The following FSTL4 variants were observed in gnomAD, a reference collection of about 807,000 sequenced individuals.
The protein encoded by FSTL4 is follistatin-related protein 4.
In FSTL4, 28 loss-of-function variants were observed where a neutral mutation model predicts 78.2. That is an observed-to-expected ratio of 0.36 (90% CI 0.27 to 0.49). The LOEUF is 0.49. Among genes scored for constraint, FSTL4 ranks in the 20% least tolerant of loss-of-function variants. FSTL4 has a pLI of 0.98. For synonymous variants in FSTL4, 422 were observed against 440.5 expected, an observed-to-expected ratio of 0.96 and a Z score of 0.53; for missense variants, 922 against 1,084.9, an observed-to-expected ratio of 0.85 and a Z score of 2.11.
At chr5:133,364,413 C>G (rs1172326212) in intron 4 of FSTL4, among the ~76,000 whole-genome samples, 1 of 152,212 alleles carries the variant, frequency 6.6e-6, no homozygotes, top group African/African-American at 2.4e-5. Context: ...GGCAGCAGGC[C>G]ACCGCAAAGG....
the FSTL4 span, among the ~76,000 whole-genome samples, chr5:133,737,416 C>T: frequency 7.2e-5 from 11 of 152,292 alleles, no homozygotes; most frequent in East Asian, 5.8e-4. Context: ...ATTCCATCCA[C>T]GTTGTTGCAA....
At chr5:133,687,131 G>A in the FSTL4 span, among the ~76,000 whole-genome samples, 3,602 of 152,270 alleles carry the variant, frequency 0.024, 59 homozygotes, top group Middle Eastern at 0.11. Context: ...GGGGGAACTG[G>A]GACTGAGGAC....
the FSTL4 span, among the ~76,000 whole-genome samples, chr5:133,708,163 A>AGAGGGAGG: frequency 1.3e-5 from 1 of 75,416 alleles, no homozygotes; most frequent in African/African-American, 5.3e-5. Flanking sequence ...AGGAAGGGAG[A>AGAGGGAGG]GAGGGAGGGA....
At chr5:133,376,646 T>G (rs1002590646) in intron 4 of FSTL4, among the ~76,000 whole-genome samples, 1 of 152,160 alleles carries the variant, frequency 6.6e-6, no homozygotes, top group African/African-American at 2.4e-5. Flanking sequence ...AATCTACTTT[T>G]GGGAGGCCAA....
intron 3 of FSTL4, among the ~76,000 whole-genome samples, chr5:133,450,024 A>C (rs1419155095): frequency 6.6e-6 from 1 of 152,178 alleles, no homozygotes; most frequent in Non-Finnish European, 1.5e-5. Flanking sequence ...AGAAATGTGA[A>C]AGGGCTTTTG....
intron 4 of FSTL4, among the ~76,000 whole-genome samples, chr5:133,353,434 G>A (rs1032493033): frequency 1.3e-5 from 2 of 152,176 alleles, no homozygotes; most frequent in Non-Finnish European, 2.9e-5. Flanking sequence ...CTGAAGGGGC[G>A]TGCGAGGGGT....
At chr5:133,392,936 T>A (rs1034360918) in intron 4 of FSTL4, among the ~76,000 whole-genome samples, 1 of 152,246 alleles carries the variant, frequency 6.6e-6, no homozygotes. Flanking sequence ...ACAGCAGTTC[T>A]GTGGAGCACA....
chr5:133,555,661 T>TA (rs1561467718), intron 3 of FSTL4, among the ~76,000 whole-genome samples: 3 of 152,120 alleles, frequency 2.0e-5, no homozygotes, highest in South Asian at 4.1e-4. Context: ...CTACTGTTTT[T>TA]AAAAAATAAA....
At chr5:133,468,632 C>G (rs1357380538) in intron 3 of FSTL4, among the ~76,000 whole-genome samples, 1 of 152,170 alleles carries the variant, frequency 6.6e-6, no homozygotes, top group Non-Finnish European at 1.5e-5. Context: ...CCATTCAGGC[C>G]GCAGGTCAGC....
chr5:133,642,353 G>A, the FSTL4 span, among the ~76,000 whole-genome samples: 2 of 152,202 alleles, frequency 1.3e-5, no homozygotes, highest in Non-Finnish European at 2.9e-5. Flanking sequence ...TTTCTCATCA[G>A]TGCAGTTCTG....
chr5:133,292,982 T>C (rs79095702), intron 6 of FSTL4, among the ~76,000 whole-genome samples: 1 of 152,162 alleles, frequency 6.6e-6, no homozygotes, highest in Non-Finnish European at 1.5e-5. Flanking sequence ...TGGGTGATAT[T>C]TCTCCTTCGT....
At chr5:133,670,548 C>T in the FSTL4 span, among the ~76,000 whole-genome samples, 1 of 152,228 alleles carries the variant, frequency 6.6e-6, no homozygotes, top group South Asian at 2.1e-4. Flanking sequence ...GCAACATTTC[C>T]ACCCTGTGGG....
At chr5:133,499,242 T>C (rs1288874312) in intron 3 of FSTL4, among the ~76,000 whole-genome samples, 2 of 152,072 alleles carry the variant, frequency 1.3e-5, no homozygotes, top group African/African-American at 4.8e-5. Context: ...GGATGGCTGG[T>C]TTAGCTCAAA....
chr5:133,217,554 C>T (rs532452031), intron 12 of FSTL4, among the ~76,000 whole-genome samples, 176 bp from the exon 13 acceptor site: 64 of 152,204 alleles, frequency 4.2e-4, no homozygotes, highest in Admixed American at 7.2e-4. Context: ...ACTTAACATT[C>T]CTTTAATCTT....
At chr5:133,566,435 G>A (rs1760027902) in intron 3 of FSTL4, among the ~76,000 whole-genome samples, 1 of 152,026 alleles carries the variant, frequency 6.6e-6, no homozygotes, top group Non-Finnish European at 1.5e-5. Flanking sequence ...GTGGTGAAGG[G>A]TAAAACCAAA....
intron 4 of FSTL4, among the ~76,000 whole-genome samples, chr5:133,352,986 A>T (rs1030810304): frequency 3.9e-5 from 6 of 152,216 alleles, no homozygotes; most frequent in Non-Finnish European, 7.3e-5. Flanking sequence ...TCCAATAATT[A>T]TTTAAGGTTT....
the FSTL4 span, among the ~76,000 whole-genome samples, chr5:133,835,470 G>T: frequency 2.6e-5 from 4 of 152,166 alleles, no homozygotes; most frequent in South Asian, 8.3e-4. Context: ...CCTGAAATTT[G>T]TTCAGGTAGT....
Position 133,426,552 on chromosome 5 carries a change from G to T in FSTL4, c.161-25566C>A, listed in dbSNP as rs1756821873. On this transcript the variant is annotated intron_variant, in intron 3 of 15. Coordinates refer to ENST00000265342, the MANE Select transcript of FSTL4 (RefSeq NM_015082.2). The surrounding 1 kb of genome is among the most constrained non-coding windows in gnomAD (Gnocchi z 5.0). Reference sequence around the variant, plus strand: ...CTCTCATGGCCAATTAGCAGCAGAGGAAACTGAACTGTACCGTGGGTTGGG... The same window carrying T: ...CTCTCATGGCCAATTAGCAGCAGAGTAAACTGAACTGTACCGTGGGTTGGG... Among the ~76,000 whole-genome samples the T allele has an allele frequency of 6.6e-6, 1 of 152,156 alleles. No homozygotes were observed. Among genetic ancestry groups the T allele is most frequent in the African/African-American group, 2.4e-5 (1 of 41,436 alleles).
chr5:133,487,007 C>T lies in FSTL4; in HGVS notation c.160+80179G>A, dbSNP rs181104861. On this transcript the variant is annotated intron_variant, in intron 3 of 15. Coordinates refer to ENST00000265342, the MANE Select transcript of FSTL4 (RefSeq NM_015082.2). Reference sequence around the variant, plus strand: ...GGCTTCTGAGAACTGCACACCCTTACAGCACACAGCTTTGCCATGGAGTGC... The same window carrying T: ...GGCTTCTGAGAACTGCACACCCTTATAGCACACAGCTTTGCCATGGAGTGC... Among the ~76,000 whole-genome samples the T allele has an allele frequency of 1.1e-3, 161 of 152,334 alleles. 1 individual carries two copies. The highest frequency in any genetic ancestry group is 3.7e-3 in the African/African-American group (154 of 41,566).
Sources: gnomAD v4.1 joint callset for allele counts (sites outside exome capture counted in the v4.1 genomes callset) on GRCh38, gnomAD v4.1.1 for gene constraint, Gnocchi (gnomAD v3.1) non-coding constraint, MANE v1.5 for transcripts, NCBI Gene and HGNC (gene_info 2026-07-23, HGNC 2026-07-21) for gene names.